KDM4C: variants seen among roughly 807,000 people sequenced by gnomAD.
The protein encoded by KDM4C is lysine-specific demethylase 4C.
KDM4C carries 81 observed loss-of-function variants against 129.3 expected under a neutral mutation model. That is an observed-to-expected ratio of 0.63 (90% CI 0.52 to 0.75). The LOEUF is 0.75. Ranked by LOEUF, KDM4C falls within the 30% of genes least tolerant of loss-of-function variation. The probability of loss-of-function intolerance (pLI) is 0.00; values close to 1 mark genes in which losing one functional copy is unlikely to be tolerated. For missense variants in KDM4C, 1,457 were observed against 1,304.0 expected (o/e 1.12, Z -1.81); for synonymous variants, 573 against 456.1 (o/e 1.26, Z -3.26).
chr9:7,132,973 G>A (rs1056832079), intron 19 of KDM4C, among the ~76,000 whole-genome samples: 13 of 152,226 alleles, frequency 8.5e-5, no homozygotes, highest in African/African-American at 2.9e-4. Context: ...TGTGAAAGAA[G>A]CATGAAAACA....
intron 1 of KDM4C, among the ~76,000 whole-genome samples, chr9:6,752,319 C>G (rs1377398821): frequency 1.1e-5 from 1 of 91,390 alleles, no homozygotes; most frequent in African/African-American, 4.8e-5. Context: ...GGCGACAGAG[C>G]GAAACTCCGT....
intron 8 of KDM4C, among the ~76,000 whole-genome samples, chr9:6,969,067 C>G (rs914320666): frequency 6.6e-6 from 1 of 151,996 alleles, no homozygotes; most frequent in Non-Finnish European, 1.5e-5. Flanking sequence ...TTCTGAGTAC[C>G]TGGGACCACA....
intron 15 of KDM4C, among the ~76,000 whole-genome samples, chr9:7,016,674 C>T (rs1247068650): frequency 6.6e-6 from 1 of 151,918 alleles, no homozygotes; most frequent in African/African-American, 2.4e-5. Context: ...GATCCACCTG[C>T]CTCGGCCTCC....
At chr9:6,870,044 A>G (rs1280364972) in intron 5 of KDM4C, among the ~76,000 whole-genome samples, 1 of 152,358 alleles carries the variant, frequency 6.6e-6, no homozygotes, top group East Asian at 1.9e-4. Flanking sequence ...ACAATTGGTT[A>G]TGAGTATGCT....
chr9:6,833,703 G>A (rs1444317033), intron 4 of KDM4C, among the ~76,000 whole-genome samples: 2 of 152,192 alleles, frequency 1.3e-5, no homozygotes, highest in African/African-American at 2.4e-5. Flanking sequence ...GGTATGTACT[G>A]AATCAGTGTT....
At chr9:6,773,770 C>CA (rs963946653) in intron 1 of KDM4C, among the ~76,000 whole-genome samples, 1,805 of 77,088 alleles carry the variant, frequency 0.023, 43 homozygotes, top group African/African-American at 0.068. Context: ...GACTCTGTCT[C>CA]AAAAAAAAAA....
At chr9:6,803,284 T>G (rs1829343862) in intron 2 of KDM4C, among the ~76,000 whole-genome samples, 1 of 152,162 alleles carries the variant, frequency 6.6e-6, no homozygotes, top group African/African-American at 2.4e-5. Context: ...TTAAAAAGAT[T>G]GTTTTAGGCC....
At chr9:6,916,791 C>A (rs1324342782) in intron 8 of KDM4C, among the ~76,000 whole-genome samples, 1 of 152,116 alleles carries the variant, frequency 6.6e-6, no homozygotes, top group East Asian at 1.9e-4. Context: ...CTAAAATGGA[C>A]CTTCTTGTTT....
chr9:7,140,493 T>C lies in KDM4C; in HGVS notation c.2781+12257T>C, dbSNP rs138767623. On this transcript the variant is annotated intron_variant, in intron 19 of 21. Coordinates refer to ENST00000381309, the MANE Select transcript of KDM4C (RefSeq NM_015061.6). ...GCTCAAGTCCTCTTTCTTCTTAGAG[T>C]TGGGGACTCATAAAGATGGGGAAGG... is the stretch of plus-strand genomic sequence containing the variant. 4.6e-5 allele frequency among the ~76,000 whole-genome samples: 7 copies of C among 152,070 alleles called. 1 individual carries two copies. In the East Asian group the frequency reaches 1.4e-3, roughly 29 times the overall value.
chr9:6,981,582 C>A (rs1816770998), intron 9 of KDM4C, among the ~76,000 whole-genome samples: 1 of 152,102 alleles, frequency 6.6e-6, no homozygotes, highest in Admixed American at 6.6e-5. Context: ...TGGTTTTATT[C>A]TTTTGTAAGA....
chr9:6,781,453 A>G (rs1824322927), intron 1 of KDM4C, among the ~76,000 whole-genome samples: 1 of 152,130 alleles, frequency 6.6e-6, no homozygotes, highest in Admixed American at 6.5e-5. Context: ...TGTTGCCAAC[A>G]GCACTGTAAC....
intron 3 of KDM4C, among the ~76,000 whole-genome samples, chr9:6,807,810 C>T (rs1184258477): frequency 3.4e-5 from 5 of 147,644 alleles, no homozygotes; most frequent in Non-Finnish European, 6.0e-5. Flanking sequence ...GTCAGCCCCC[C>T]GCCCGGCCAG....
Position 6,797,478 on chromosome 9 carries a change from CTG to C in KDM4C, c.144+4348_144+4349del, listed in dbSNP as rs1334394368. Reference sequence around the variant, plus strand: ...TTGAGTGGAAGGTTTGACACTTTGACTGTCTACAAAGTTGATGGTCAGGTTGC... The same window carrying C: ...TTGAGTGGAAGGTTTGACACTTTGACTCTACAAAGTTGATGGTCAGGTTGC... On this transcript the variant is annotated intron_variant, in intron 2 of 21. Coordinates refer to ENST00000381309, the MANE Select transcript of KDM4C (RefSeq NM_015061.6). Among the ~76,000 whole-genome samples, 47 of 146,424 alleles carry C rather than the reference CTG, an allele frequency of 3.2e-4. 1 individual carries two copies. The highest frequency in any genetic ancestry group is 1.2e-3 in the African/African-American group (45 of 36,102).
intron 4 of KDM4C, among the ~76,000 whole-genome samples, chr9:6,817,300 C>G (rs976352175): frequency 1.4e-5 from 2 of 145,098 alleles, no homozygotes; most frequent in African/African-American, 2.5e-5. Context: ...CTCCTGGGTT[C>G]AAGCAGTCTT....
chr9:7,046,475 A>G (rs569385432), intron 15 of KDM4C, among the ~76,000 whole-genome samples: 1 of 152,132 alleles, frequency 6.6e-6, no homozygotes, highest in Admixed American at 6.6e-5. Flanking sequence ...GTGAATTCCC[A>G]GAGCACAAGG....
chr9:6,824,604 G>C (rs933580792), intron 4 of KDM4C, among the ~76,000 whole-genome samples: 14 of 150,480 alleles, frequency 9.3e-5, no homozygotes, highest in Non-Finnish European at 1.5e-4. Context: ...TAGAAATTAA[G>C]GCCGGGCGTG....
chr9:6,848,062 T>G (rs1838169535), intron 4 of KDM4C, among the ~76,000 whole-genome samples: 1 of 152,092 alleles, frequency 6.6e-6, no homozygotes. Context: ...ACCCTCAATT[T>G]TTTATTTTTA....
At chr9:6,830,377 C>T (rs1834612974) in intron 4 of KDM4C, among the ~76,000 whole-genome samples, 1 of 152,122 alleles carries the variant, frequency 6.6e-6, no homozygotes, top group Non-Finnish European at 1.5e-5. Context: ...GGAGCTGCTT[C>T]CCACACCCCA....
intron 2 of KDM4C, among the ~76,000 whole-genome samples, chr9:6,799,435 C>T (rs992153137): frequency 7.4e-4 from 112 of 152,212 alleles, no homozygotes; most frequent in African/African-American, 2.4e-3. Flanking sequence ...AGTGGCGGCG[C>T]GCGTCTGCAA....
Sources: gnomAD v4.1 joint callset for allele counts (sites outside exome capture counted in the v4.1 genomes callset) on GRCh38, gnomAD v4.1.1 for gene constraint, MANE v1.5 for transcripts, NCBI Gene and HGNC (gene_info 2026-07-23, HGNC 2026-07-21) for gene names.